The following COL5A1 variants were observed in gnomAD, a reference collection of about 807,000 sequenced individuals.
COL5A1 encodes the protein collagen type V alpha 1 chain.
Under a neutral mutation model 263.7 loss-of-function variants are expected in COL5A1, and 16 were observed. The observed-to-expected ratio is 0.06, with a 90% CI of 0.04 to 0.09. COL5A1 has a LOEUF of 0.09. Ranked by LOEUF, COL5A1 falls within the 10% of genes least tolerant of loss-of-function variation. The pLI, the probability that COL5A1 is intolerant of heterozygous loss-of-function variation, is 1.00. For missense variants in COL5A1, 2,036 were observed against 2,540.5 expected (o/e 0.80, Z 4.27); for synonymous variants, 1,012 against 1,004.5 (o/e 1.01, Z -0.14).
At chr9:134,798,365 C>A in intron 36 of COL5A1, 43 bp from the exon 37 acceptor site, 1 of 1,600,336 alleles carries the variant, frequency 6.2e-7, no homozygotes, top group Non-Finnish European at 8.6e-7. Context: ...GTGGTTGCTT[C>A]TCAGACACGA....
intron 65 of COL5A1, among the ~76,000 whole-genome samples, chr9:134,838,877 G>A (rs775527483): frequency 6.6e-6 from 1 of 152,258 alleles, no homozygotes; most frequent in East Asian, 1.9e-4. Context: ...TGGCAGCAGC[G>A]TGGAGCTGGG....
Position 134,751,187 on chromosome 9 carries a change from C to T in COL5A1, c.1662+305C>T, listed in dbSNP as rs552432200. On this transcript the variant is annotated intron_variant, in intron 13 of 65. Transcript: ENST00000371817. ...GCGTGTCACTGTCCAGTAGGGACCC[C>T]GAGAGCGTGTCACTGTCCAGTAGGG... Among the ~76,000 whole-genome samples the T allele has an allele frequency of 7.3e-5, 11 of 151,028 alleles. No individual in the cohort carries two copies. The South Asian group carries it at 1.1e-3, about 15-fold the overall frequency.
chr9:134,737,404 G>T (rs1230177033), intron 9 of COL5A1, among the ~76,000 whole-genome samples: 1 of 152,204 alleles, frequency 6.6e-6, no homozygotes, highest in Non-Finnish European at 1.5e-5. Context: ...GGGGTGCAGG[G>T]CAGGGAATGC....
At chr9:134,743,616 G>A (rs756084295) in intron 11 of COL5A1, among the ~76,000 whole-genome samples, 21 of 152,128 alleles carry the variant, frequency 1.4e-4, no homozygotes, top group Non-Finnish European at 2.2e-4. Context: ...GGGGCACCTC[G>A]CTCCCTGCAC....
chr9:134,718,124 G>C (rs576468044), intron 4 of COL5A1, among the ~76,000 whole-genome samples: 1 of 152,238 alleles, frequency 6.6e-6, no homozygotes, highest in East Asian at 1.9e-4. Flanking sequence ...GCTCACAACA[G>C]AGACGCAGCC....
intron 1 of COL5A1, among the ~76,000 whole-genome samples, chr9:134,684,234 G>A (rs1031325674): frequency 5.9e-5 from 9 of 152,222 alleles, no homozygotes; most frequent in African/African-American, 1.9e-4. Context: ...TGGACGACCA[G>A]GAACTGATTT....
At chr9:134,661,881 G>A (rs1055396475) in intron 1 of COL5A1, among the ~76,000 whole-genome samples, 2 of 152,022 alleles carry the variant, frequency 1.3e-5, no homozygotes, top group African/African-American at 2.4e-5. Flanking sequence ...TCCCTCCAGC[G>A]GCTTCTGTTC....
intron 9 of COL5A1, chr9:134,732,745 C>T (rs1588482589): frequency 1.2e-5 from 2 of 169,882 alleles, no homozygotes; most frequent in Admixed American, 1.1e-4. Flanking sequence ...TTGATAATGC[C>T]CTCAAGCGTG....
intron 1 of COL5A1, among the ~76,000 whole-genome samples, chr9:134,683,713 C>T (rs1832928465): frequency 6.6e-6 from 1 of 152,200 alleles, no homozygotes; most frequent in African/African-American, 2.4e-5. Context: ...GTTCCTGCCG[C>T]CCTTTGATAC....
rs61737719 is a variant in COL5A1 at position 134,763,734 on chromosome 9, G to T, written c.2031G>T (p.Glu677Asp). ...GEVGPRGLPGEPGPRGLLGPK... is the reference protein window; with the variant it reads ...GEVGPRGLPGDPGPRGLLGPK... ...TTGGGCCCAGGGGGCTGCCTGGGGA[G>T]CCCGTAAGTCTGTGAGCTGAGTGGG... Residue 677 changes from glutamate (E) to aspartate (D), a missense_variant, in exon 20 of 66, where the codon GAG becomes GAT. Coordinates refer to ENST00000371817, the MANE Select transcript of COL5A1 (RefSeq NM_000093.5). 6.2e-7 allele frequency: 1 copy of T among 1,613,670 alleles called. No homozygotes were observed. The highest frequency in any genetic ancestry group is 1.7e-5 in the Admixed American group (1 of 60,014).
chr9:134,694,857 G>A (rs555714576), intron 2 of COL5A1, among the ~76,000 whole-genome samples: 1 of 152,310 alleles, frequency 6.6e-6, no homozygotes, highest in East Asian at 1.9e-4. Context: ...GAGGTGGCCT[G>A]AGACCCTGAA....
chr9:134,755,282 T>C lies in COL5A1; in HGVS notation c.1827+956T>C, dbSNP rs749531046. Among the ~76,000 whole-genome samples the C allele has an allele frequency of 6.6e-6, 1 of 152,140 alleles. No homozygotes were observed. The highest frequency in any genetic ancestry group is 1.5e-5 in the Non-Finnish European group (1 of 68,028). On this transcript the variant is annotated intron_variant, in intron 16 of 65. Coordinates refer to ENST00000371817, the MANE Select transcript of COL5A1 (RefSeq NM_000093.5). This position sits in a 1 kb window ranked among gnomAD's most constrained non-coding sequence, Gnocchi z 4.1. ...AAAAATGTTTTATTTCCTTAAGGTG[T>C]TTTTGTGTGTCTCCGTAAATCCTTC...
chr9:134,705,652 C>T (rs1833813621), intron 4 of COL5A1, among the ~76,000 whole-genome samples: 1 of 152,212 alleles, frequency 6.6e-6, no homozygotes, highest in South Asian at 2.1e-4. Context: ...ATGTGAGTAC[C>T]TCCAAGGGCC....
At chr9:134,695,282 G>A (rs1421234124) in intron 2 of COL5A1, among the ~76,000 whole-genome samples, 2 of 152,258 alleles carry the variant, frequency 1.3e-5, no homozygotes, top group Middle Eastern at 3.4e-3. Flanking sequence ...CCCTGTCTTC[G>A]CCTGTGGCTC....
At chr9:134,736,383 G>A (rs114305620) in intron 9 of COL5A1, among the ~76,000 whole-genome samples, 95 of 152,308 alleles carry the variant, frequency 6.2e-4, no homozygotes, top group African/African-American at 2.0e-3. Flanking sequence ...GAGAAGGAGC[G>A]GGAGAGAAGG....
intron 57 of COL5A1, among the ~76,000 whole-genome samples, chr9:134,819,334 G>T (rs146399879): frequency 2.2e-3 from 339 of 152,386 alleles, no homozygotes; most frequent in African/African-American, 7.9e-3. Context: ...CCCGGCTGAT[G>T]GGTGTCCAGG....
rs1224961545 is a variant in COL5A1, at chr9:134,820,119, C to T, written c.4450C>T (p.His1484Tyr). Residue 1484 changes from histidine (H) to tyrosine (Y), a missense_variant, in exon 58 of 66, where the codon CAT (histidine) becomes TAT (tyrosine). This residue lies in a region of COL5A1 where 1,078 missense variants were observed against 1,521.4 expected (regional missense o/e 0.71). Transcript: ENST00000371817. ...TCCTGTCTTCATTTTCCCACAGGGT[C>T]ATCCAGGCCTGATCGGGCTCATCGG... ...GDSGPKGEKG[H>Y]PGLIGLIGPP... 6.2e-7 allele frequency: 1 copy of T among 1,613,496 alleles called. No homozygotes were observed. Among genetic ancestry groups the T allele is most frequent in the Admixed American group, 1.7e-5 (1 of 60,038 alleles).
chr9:134,828,489 C>T (rs1234210030), intron 63 of COL5A1, among the ~76,000 whole-genome samples: 2 of 151,744 alleles, frequency 1.3e-5, no homozygotes, highest in African/African-American at 4.8e-5. Context: ...CGCACAGATA[C>T]AGGCCACACA....
intron 4 of COL5A1, among the ~76,000 whole-genome samples, chr9:134,706,313 G>A (rs1415475675): frequency 6.6e-6 from 1 of 152,208 alleles, no homozygotes; most frequent in African/African-American, 2.4e-5. Context: ...CAGGACCACC[G>A]TGCAGGAAGG....
Sources: gnomAD v4.1 joint callset for allele counts (sites outside exome capture counted in the v4.1 genomes callset) on GRCh38, gnomAD v4.1.1 for gene constraint, gnomAD v4.1.1 regional missense constraint, Gnocchi (gnomAD v3.1) non-coding constraint, MANE v1.5 for transcripts, NCBI Gene and HGNC (gene_info 2026-07-23, HGNC 2026-07-21) for gene names.